DAB1: variants seen among roughly 807,000 people sequenced by gnomAD.
DAB1 encodes disabled homolog 1.
In DAB1, 15 loss-of-function variants were observed where a neutral mutation model predicts 64.6. The ratio of observed to expected loss-of-function variants is 0.23; its 90% confidence interval spans 0.16 to 0.36. DAB1 has a LOEUF of 0.36. Ranked by LOEUF, DAB1 falls within the 10% of genes least tolerant of loss-of-function variation. DAB1 has a pLI of 1.00. For synonymous variants in DAB1, 235 were observed against 251.9 expected, an observed-to-expected ratio of 0.93 and a Z score of 0.64; for missense variants, 596 against 706.7, an observed-to-expected ratio of 0.84 and a Z score of 1.78.
At chr1:58,071,445 A>C (rs1307068634) in intron 5 of DAB1, 2 of 154,236 alleles carry the variant, frequency 1.3e-5, no homozygotes, top group Non-Finnish European at 2.8e-5. Context: ...TGGGCTGCTA[A>C]GAGAAGGGTG....
At chr1:57,615,304 C>T (rs193047719) in intron 7 of DAB1, among the ~76,000 whole-genome samples, 6 of 152,298 alleles carry the variant, frequency 3.9e-5, no homozygotes, top group Non-Finnish European at 7.3e-5. Flanking sequence ...GAAGTATATT[C>T]GGACATTTTC....
chr1:57,355,211 T>A (rs1678977315), intron 1 of DAB1, among the ~76,000 whole-genome samples: 1 of 152,022 alleles, frequency 6.6e-6, no homozygotes, highest in Non-Finnish European at 1.5e-5. Context: ...GTTTCATTCC[T>A]TTCTCCCTTC....
intron 3 of DAB1, among the ~76,000 whole-genome samples, chr1:58,381,591 T>G (rs1644389731): frequency 6.6e-6 from 1 of 152,102 alleles, no homozygotes; most frequent in South Asian, 2.1e-4. Flanking sequence ...ATAGAAATGG[T>G]GAAATGTACT....
At chr1:57,179,557 T>A (rs1662690914) in intron 2 of DAB1, among the ~76,000 whole-genome samples, 1 of 152,210 alleles carries the variant, frequency 6.6e-6, no homozygotes, top group Non-Finnish European at 1.5e-5. Context: ...CGTCTCCATT[T>A]CAGATTCATT....
chr1:58,059,963 C>T (rs1242757766), intron 5 of DAB1, among the ~76,000 whole-genome samples: 5 of 152,142 alleles, frequency 3.3e-5, no homozygotes, highest in African/African-American at 4.8e-5. Context: ...TGGGAGCTCC[C>T]GGGAAGGCAG....
intron 7 of DAB1, among the ~76,000 whole-genome samples, chr1:57,450,991 C>G (rs1373145901): frequency 2.0e-5 from 3 of 152,150 alleles, no homozygotes; most frequent in Non-Finnish European, 4.4e-5. Flanking sequence ...GCTCTTAAAA[C>G]AATTGTTTTC....
chr1:57,750,838 A>C (rs1322450275), intron 6 of DAB1, among the ~76,000 whole-genome samples: 4 of 152,192 alleles, frequency 2.6e-5, no homozygotes, highest in Non-Finnish European at 5.9e-5. Context: ...GCCTGACATG[A>C]CACTGCAGCT....
chr1:57,195,411 T>G (rs1277346288), intron 2 of DAB1, among the ~76,000 whole-genome samples: 1 of 152,238 alleles, frequency 6.6e-6, no homozygotes, highest in Non-Finnish European at 1.5e-5. Context: ...CATGGAATAC[T>G]TCAGATATAC....
intron 4 of DAB1, among the ~76,000 whole-genome samples, chr1:58,280,393 G>T (rs1661529856): frequency 6.6e-6 from 1 of 152,194 alleles, no homozygotes; most frequent in South Asian, 2.1e-4. Context: ...AAATAGACCT[G>T]CTTTCCAATT....
chr1:57,437,342 C>A (rs1253753893), intron 7 of DAB1, among the ~76,000 whole-genome samples: 2 of 152,096 alleles, frequency 1.3e-5, no homozygotes, highest in Non-Finnish European at 2.9e-5. Context: ...CACAGAAAAA[C>A]CTCACAAGGG....
chr1:57,257,210 A>G (rs197641), intron 2 of DAB1, among the ~76,000 whole-genome samples: 107,144 of 152,064 alleles, frequency 0.7, 38,189 homozygotes, highest in East Asian at 0.85. Context: ...TAGGACAAGA[A>G]CTGGGCATTA....
chr1:57,015,256 C>T lies in DAB1; in HGVS notation c.1071G>A (p.Val357=). Residue 357 remains valine, a synonymous_variant, in exon 12 of 15, where the codon GTG becomes GTA. Coordinates refer to ENST00000371236, the MANE Select transcript of DAB1 (RefSeq NM_001365792.1). ...FPATQQPWPT[V]AGQFPPAAFM... is the part of the protein sequence containing the mutation. ...AGGCGGCTGGCGGAAACTGCCCGGC[C>T]ACAGTTGGCCAGGGCTGCTGAGTGG... The T allele has an allele frequency of 6.2e-7, 1 of 1,614,104 alleles. No individual in the cohort carries two copies. Among genetic ancestry groups the T allele is most frequent in the South Asian group, 1.1e-5 (1 of 91,068 alleles).
chr1:58,385,433 G>T (rs1474243510), intron 3 of DAB1, among the ~76,000 whole-genome samples: 1 of 152,130 alleles, frequency 6.6e-6, no homozygotes, highest in Non-Finnish European at 1.5e-5. Context: ...CATATGCATT[G>T]TTTAAACATG....
intron 2 of DAB1, among the ~76,000 whole-genome samples, chr1:57,285,076 T>C (rs975077286): frequency 1.3e-5 from 2 of 152,148 alleles, no homozygotes; most frequent in African/African-American, 4.8e-5. Flanking sequence ...TCCCTGGGTA[T>C]AGCACTAATA....
intron 4 of DAB1, among the ~76,000 whole-genome samples, chr1:57,083,560 A>G (rs1265175399): frequency 1.3e-5 from 2 of 152,210 alleles, no homozygotes; most frequent in Non-Finnish European, 2.9e-5. Context: ...TTAATAGAAA[A>G]TGACTTTTTG....
At chr1:57,465,097 C>T (rs1214995244) in intron 7 of DAB1, among the ~76,000 whole-genome samples, 1 of 152,160 alleles carries the variant, frequency 6.6e-6, no homozygotes, top group East Asian at 1.9e-4. Flanking sequence ...TACAGATAGG[C>T]TTCCTGTCCT....
At chr1:57,009,273 C>G in intron 14 of DAB1, among the ~76,000 whole-genome samples, 1 of 152,186 alleles carries the variant, frequency 6.6e-6, no homozygotes, top group Non-Finnish European at 1.5e-5. Context: ...TAGTCCCCAA[C>G]TTTTCTTTTT....
chr1:58,158,972 C>A (rs532226245), intron 4 of DAB1, among the ~76,000 whole-genome samples: 1 of 152,132 alleles, frequency 6.6e-6, no homozygotes, highest in Non-Finnish European at 1.5e-5. Context: ...CCCATAGAGA[C>A]CCCTTTGTGA....
At chr1:58,092,480 A>G (rs984774409) in intron 5 of DAB1, among the ~76,000 whole-genome samples, 9 of 152,094 alleles carry the variant, frequency 5.9e-5, no homozygotes, top group African/African-American at 1.9e-4. Context: ...GCACAACTGG[A>G]GGCTAAAAAG....
Sources: allele counts gnomAD v4.1 joint callset (sites outside exome capture counted in the v4.1 genomes callset), GRCh38; gene constraint gnomAD v4.1.1; transcripts MANE v1.5; gene names NCBI Gene and HGNC (gene_info 2026-07-23, HGNC 2026-07-21).